Variants in SYNE1 observed in about 807,000 individuals in gnomAD.
The protein encoded by SYNE1 is nesprin-1.
SYNE1 carries 616 observed loss-of-function variants against 1,111.0 expected under a neutral mutation model. The ratio of observed to expected loss-of-function variants is 0.55; its 90% CI spans 0.52 to 0.59. The LOEUF (loss-of-function observed/expected upper bound fraction) is 0.59, where lower values mean the gene tolerates loss of function less well. SYNE1 is among the 20% of genes least tolerant of loss of function. The pLI, the probability that SYNE1 is intolerant of heterozygous loss-of-function variation, is 0.00. For synonymous variants in SYNE1, 3,855 were observed against 3,825.8 expected (o/e 1.01, Z -0.28); for missense variants, 10,006 against 10,417.0 (o/e 0.96, Z 1.72).
chr6:152,318,886 C>T lies in SYNE1; in HGVS notation c.16366G>A (p.Val5456Ile), dbSNP rs111847114. ...TKLKAKTDNV[V>I]QAKTDQKVLG... ...ACCTTTTGGTCAGTTTTAGCTTGAA[C>T]TACATTATCTGTCTTCGCTTTCAGC... The change falls in exon 85 of 146, where the codon GTT (valine) becomes ATT (isoleucine). Residue 5456 changes from valine (V) to isoleucine (I), a missense_variant. This residue lies in a region of SYNE1 where 4,955 missense variants were observed against 5,017.2 expected (regional missense o/e 0.99). Transcript: ENST00000367255. 6.2e-7 allele frequency: 1 copy of T among 1,614,078 alleles called. No individual in the cohort carries two copies. The highest frequency in any genetic ancestry group is 1.3e-5 in the African/African-American group (1 of 74,940).
intron 14 of SYNE1, chr6:152,481,448 A>G (rs1301197306): frequency 3.1e-6 from 1 of 318,022 alleles, no homozygotes; most frequent in Non-Finnish European, 6.4e-6. Context: ...TACATCAATT[A>G]AAATAGTTTC....
intron 28 of SYNE1, 147 bp downstream of exon 28, chr6:152,449,386 A>G: frequency 3.0e-6 from 2 of 675,428 alleles, no homozygotes; most frequent in South Asian, 3.5e-5. Context: ...CATGCTCCAC[A>G]GTAATATAAG....
intron 3 of SYNE1, among the ~76,000 whole-genome samples, chr6:152,602,687 A>G (rs1230652508): frequency 2.0e-5 from 3 of 152,206 alleles, no homozygotes; most frequent in Admixed American, 2.0e-4. Flanking sequence ...CAAGTAGGGT[A>G]TAAATACAGA....
rs929119044 is a variant in SYNE1 at position 152,309,769 on chromosome 6, A to G, written c.17202+66T>C. On this transcript the variant is annotated intron_variant, in intron 90 of 145. Coordinates refer to ENST00000367255, the MANE Select transcript of SYNE1 (RefSeq NM_182961.4). ...GTGTTTTGATGGCTGAGCCCACACAATGCTAAGAAAAGAAGCCCATGATTC... is the reference window on the plus strand; with the variant it reads ...GTGTTTTGATGGCTGAGCCCACACAGTGCTAAGAAAAGAAGCCCATGATTC... The G allele has an allele frequency of 1.0e-5, 16 of 1,597,608 alleles. No homozygotes were observed. In the African/African-American group the frequency reaches 2.1e-4, roughly 21 times the overall value.
At chr6:152,495,827 CTT>C (rs2098996542) in intron 11 of SYNE1, among the ~76,000 whole-genome samples, 1 of 152,230 alleles carries the variant, frequency 6.6e-6, no homozygotes, top group Non-Finnish European at 1.5e-5. Flanking sequence ...CTTCCCGTCC[CTT>C]GTCCAAGTGT....
intron 98 of SYNE1, among the ~76,000 whole-genome samples, chr6:152,277,289 T>A (rs2093704476): frequency 7.2e-6 from 1 of 139,136 alleles, no homozygotes; most frequent in South Asian, 2.4e-4. Context: ...TTTTTTTTTT[T>A]TGTTATGAGA....
At chr6:152,386,286 T>C (rs1193528891) in intron 54 of SYNE1, among the ~76,000 whole-genome samples, 1 of 152,110 alleles carries the variant, frequency 6.6e-6, no homozygotes, top group Non-Finnish European at 1.5e-5. Flanking sequence ...CACTCAAGCT[T>C]AGAGAGGTTA....
chr6:152,427,587 C>T (rs1193912403), intron 38 of SYNE1, 106 bp downstream of exon 38: 1 of 1,406,822 alleles, frequency 7.1e-7, no homozygotes, highest in Non-Finnish European at 9.9e-7. Flanking sequence ...ATCACAAAAC[C>T]AAAGCAAGAA....
chr6:152,144,009 C>T (rs1586072864), intron 137 of SYNE1: 1 of 526,620 alleles, frequency 1.9e-6, no homozygotes, highest in East Asian at 3.7e-5. Flanking sequence ...CTCTCCAGTC[C>T]GTTTTGAACA....
chr6:152,390,581 C>A, intron 52 of SYNE1, 129 bp from the exon 53 acceptor site: 1 of 928,294 alleles, frequency 1.1e-6, no homozygotes, highest in Non-Finnish European at 1.6e-6. Context: ...ACAACAAACT[C>A]TGGGCCCTAT....
At position 152,269,178 on chromosome 6, in the gene SYNE1, GCCGCTGCTGGGT is replaced by G; in HGVS notation, c.18670_18681del (p.Thr6224_Arg6227del). The G allele has an allele frequency of 6.2e-7, 1 of 1,614,196 alleles. No homozygotes were observed. Among genetic ancestry groups the G allele is most frequent in the Non-Finnish European group, 8.5e-7 (1 of 1,180,042 alleles). ...ACTTTTTGTTGCTGGAGACTGCTCTGCCGCTGCTGGGTCCATGTGGTGCGAGCTTGGGCCAGC... is the reference window on the plus strand; with the variant it reads ...ACTTTTTGTTGCTGGAGACTGCTCTGCCATGTGGTGCGAGCTTGGGCCAGC... On this transcript the variant is annotated inframe_deletion, in exon 99 of 146. Transcript: ENST00000367255.
intron 3 of SYNE1, among the ~76,000 whole-genome samples, chr6:152,586,149 C>A (rs1202577408): frequency 1.3e-5 from 2 of 152,098 alleles, no homozygotes; most frequent in Admixed American, 6.6e-5. Context: ...AATTAGGTTT[C>A]CCTCATAACT....
intron 3 of SYNE1, among the ~76,000 whole-genome samples, chr6:152,578,447 T>C (rs1241945802): frequency 3.3e-5 from 5 of 152,032 alleles, no homozygotes; most frequent in African/African-American, 1.2e-4. Flanking sequence ...ATACAAAAAT[T>C]AGCCAGGTGT....
Position 152,125,154 on chromosome 6 carries a change from A to G in SYNE1, c.26154-2478T>C, listed in dbSNP as rs1437591001. On this transcript the variant is annotated intron_variant, in intron 145 of 145. Transcript: ENST00000367255. ...CTACAGTTAAAGGAAGAGGCCTAGC[A>G]GGGACTCAGGCTTCCAAAATCCCTG... 20 of 1,275,812 alleles carry G rather than the reference A, an allele frequency of 1.6e-5. No homozygotes were observed. The Middle Eastern group carries it at 5.7e-4, about 37-fold the overall frequency. 79.0% of individuals were successfully genotyped at this position (1,275,812 alleles called of 1,614,324 possible). A position where few individuals can be genotyped will look rare whatever the true frequency, so the allele number is the denominator to read the frequency against.
intron 58 of SYNE1, chr6:152,376,125 T>C (rs1425299182): frequency 8.8e-6 from 4 of 455,078 alleles, no homozygotes; most frequent in Non-Finnish European, 1.6e-5. Context: ...GCACACAGCC[T>C]AGTTCCTCTG....
At chr6:152,597,381 G>T (rs75457025) in intron 3 of SYNE1, among the ~76,000 whole-genome samples, 3,318 of 152,252 alleles carry the variant, frequency 0.022, 129 homozygotes, top group African/African-American at 0.076. Context: ...GGGTTCAAGT[G>T]ATCCTTCTAC....
intron 3 of SYNE1, among the ~76,000 whole-genome samples, chr6:152,627,909 A>G (rs2099689169): frequency 6.6e-6 from 1 of 152,180 alleles, no homozygotes; most frequent in Non-Finnish European, 1.5e-5. Flanking sequence ...CTTGTCCATA[A>G]TCTATCAAAA....
chr6:152,438,244 T>C (rs561332776), intron 32 of SYNE1, among the ~76,000 whole-genome samples: 1 of 152,310 alleles, frequency 6.6e-6, no homozygotes, highest in East Asian at 1.9e-4. Flanking sequence ...ACATGATCTC[T>C]TAGAATCCCA....
At chr6:152,224,291 T>C (rs1348894233) in intron 117 of SYNE1, among the ~76,000 whole-genome samples, 1 of 152,200 alleles carries the variant, frequency 6.6e-6, no homozygotes, top group Non-Finnish European at 1.5e-5. Flanking sequence ...TTTAGTTATA[T>C]ACCAGCTAAT....
Sources: gnomAD v4.1 joint callset for allele counts (sites outside exome capture counted in the v4.1 genomes callset) on GRCh38, gnomAD v4.1.1 for gene constraint, gnomAD v4.1.1 regional missense constraint, MANE v1.5 for transcripts, NCBI Gene and HGNC (gene_info 2026-07-23, HGNC 2026-07-21) for gene names.